The following NTRK3 variants were observed in gnomAD, a reference collection of about 807,000 sequenced individuals.
NTRK3 encodes the protein neurotrophic receptor tyrosine kinase 3.
A neutral mutation model predicts 91.7 loss-of-function variants in NTRK3; 24 were observed. The observed-to-expected ratio is 0.26, with a 90% CI of 0.19 to 0.37. The LOEUF (loss-of-function observed/expected upper bound fraction) is 0.37. Ranked by LOEUF, NTRK3 falls within the 10% of genes least tolerant of loss-of-function variation. The pLI is 1.00. For synonymous variants in NTRK3, 483 were observed against 404.0 expected (o/e 1.20, Z -2.34); for missense variants, 880 against 1,068.9 (o/e 0.82, Z 2.46).
intron 13 of NTRK3, among the ~76,000 whole-genome samples, chr15:88,074,961 G>A (rs554747640): frequency 1.1e-4 from 17 of 152,166 alleles, no homozygotes; most frequent in South Asian, 1.0e-3. Context: ...TACATCTCCC[G>A]GCACCCTTTT....
At chr15:87,904,233 C>T (rs1339344474) in intron 17 of NTRK3, among the ~76,000 whole-genome samples, 1 of 151,888 alleles carries the variant, frequency 6.6e-6, no homozygotes. Flanking sequence ...TCGCTGCAAC[C>T]TCAGTTTCCG....
rs751111350 is a variant in NTRK3, at chr15:88,226,650, G to A, written c.248+29256C>T. Among the ~76,000 whole-genome samples, 15 of 152,310 alleles carry A rather than the reference G, an allele frequency of 9.8e-5. No homozygotes were observed. The South Asian group carries it at 2.3e-3, about 23-fold the overall frequency. ...GGGAGCACTGAGCCATCTCTGGGCC[G>A]CACGGCCCCTATGGCTGATGCAAAT... On this transcript the variant is annotated intron_variant, in intron 3 of 18. Coordinates refer to ENST00000394480, the Ensembl canonical transcript of NTRK3.
At chr15:88,164,502 C>T (rs1411405338) in intron 5 of NTRK3, among the ~76,000 whole-genome samples, 2 of 152,208 alleles carry the variant, frequency 1.3e-5, no homozygotes, top group Admixed American at 6.5e-5. Flanking sequence ...TATTCTGTGT[C>T]TGCAGAGTAC....
In NTRK3 at chr15:87,933,279, G is replaced by A. The variant is rs550833844; in HGVS notation, c.1717-95C>T. 291 of 1,187,592 alleles carry A rather than the reference G, an allele frequency of 2.5e-4. No homozygotes were observed. The African/African-American group carries it at 3.1e-3, about 13-fold the overall frequency. The allele number at this position is 1,187,592 out of a possible 1,614,324, so 73.6% of individuals were successfully genotyped here. On this transcript the variant is annotated intron_variant, in intron 15 of 18. Transcript: ENST00000394480. ...AGAAACTGGCCCCACACACCACTGGGTTACCAATAAATATGAATCTAAATG... is the reference window on the plus strand; with the variant it reads ...AGAAACTGGCCCCACACACCACTGGATTACCAATAAATATGAATCTAAATG...
At position 87,947,698 on chromosome 15, in the gene NTRK3, G is replaced by T. The variant is rs543348733; in HGVS notation, c.1586-6945C>A. Among the ~76,000 whole-genome samples, 5 of 152,186 alleles carry T rather than the reference G, an allele frequency of 3.3e-5. No homozygotes were observed. In the South Asian group the frequency reaches 8.3e-4, roughly 25 times the overall value. ...GGGAGATTCTTGGCAGGAGAGAAGG[G>T]GGAAGAGAAAACAGGGAGAGGAAGG... On this transcript the variant is annotated intron_variant, in intron 14 of 18. Transcript: ENST00000394480.
At chr15:88,008,403 C>G (rs1035937776) in intron 14 of NTRK3, among the ~76,000 whole-genome samples, 4 of 152,090 alleles carry the variant, frequency 2.6e-5, no homozygotes, top group Non-Finnish European at 5.9e-5. Flanking sequence ...GCCAAATTCA[C>G]TTGTACATGT....
chr15:88,122,997 G>C (rs910675763), intron 13 of NTRK3, among the ~76,000 whole-genome samples: 2 of 152,196 alleles, frequency 1.3e-5, no homozygotes, highest in Admixed American at 6.5e-5. Context: ...TACCAGCAAA[G>C]AAATGACAAT....
intron 14 of NTRK3, among the ~76,000 whole-genome samples, chr15:88,027,740 C>A (rs2078164582): frequency 6.6e-6 from 1 of 152,154 alleles, no homozygotes; most frequent in African/African-American, 2.4e-5. Context: ...TTAGTTAGCA[C>A]CTTCTTTGAC....
chr15:87,985,334 G>A (rs2074663346), intron 14 of NTRK3, among the ~76,000 whole-genome samples: 3 of 152,232 alleles, frequency 2.0e-5, no homozygotes, highest in Non-Finnish European at 2.9e-5. Context: ...ACAAAAGGTT[G>A]TTGAATGCCA....
intron 3 of NTRK3, among the ~76,000 whole-genome samples, chr15:88,188,034 C>G (rs1330139937): frequency 2.0e-5 from 3 of 152,198 alleles, no homozygotes; most frequent in Non-Finnish European, 2.9e-5. Context: ...GTTCCAGGAC[C>G]ACAGGCTGGA....
At chr15:88,149,663 C>G (rs1286702744) in intron 5 of NTRK3, among the ~76,000 whole-genome samples, 1 of 152,246 alleles carries the variant, frequency 6.6e-6, no homozygotes, top group South Asian at 2.1e-4. Flanking sequence ...AGGACACCAC[C>G]TGGGGCAAAG....
intron 17 of NTRK3, among the ~76,000 whole-genome samples, chr15:87,921,876 G>T (rs570582710): frequency 2.0e-5 from 3 of 149,158 alleles, no homozygotes; most frequent in Admixed American, 2.0e-4. Flanking sequence ...TAGGGGACTT[G>T]GTATTAAAAA....
intron 13 of NTRK3, among the ~76,000 whole-genome samples, chr15:88,105,682 C>T (rs141290591): frequency 6.6e-6 from 1 of 152,150 alleles, no homozygotes; most frequent in East Asian, 1.9e-4. Context: ...GGAAAGGTAC[C>T]TCATGAGTGG....
chr15:87,984,139 A>G (rs2074534030), intron 14 of NTRK3, among the ~76,000 whole-genome samples: 1 of 152,202 alleles, frequency 6.6e-6, no homozygotes, highest in Non-Finnish European at 1.5e-5. Flanking sequence ...GATAATTAAA[A>G]TATAGTCATA....
In NTRK3 at chr15:88,154,825, T is replaced by C. The variant is rs556907417; in HGVS notation, c.396-7422A>G. Among the ~76,000 whole-genome samples, 45 of 152,354 alleles carry C rather than the reference T, an allele frequency of 3.0e-4. No individual in the cohort carries two copies. The South Asian group carries it at 8.9e-3, about 30-fold the overall frequency. On this transcript the variant is annotated intron_variant, in intron 5 of 18. Coordinates refer to ENST00000394480, the Ensembl canonical transcript of NTRK3. ...ATTAAAATTAAGCATGCTTATTTAC[T>C]GCAGAACTTCTCAGAGCTTTTACTG...
exon 19 of NTRK3, chr15:87,875,222 A>T: frequency 4.3e-6 from 1 of 230,498 alleles, no homozygotes; most frequent in East Asian, 6.2e-5. Flanking sequence ...AGTGTGGCAA[A>T]GGTCAGTCCC....
intron 13 of NTRK3, among the ~76,000 whole-genome samples, chr15:88,071,178 T>C (rs1195122842): frequency 4.6e-5 from 7 of 152,344 alleles, no homozygotes; most frequent in Admixed American, 6.5e-5. Context: ...GAACTGAGGA[T>C]TGCACATACC....
chr15:88,200,717 C>T (rs917340170), intron 3 of NTRK3, among the ~76,000 whole-genome samples: 1 of 152,178 alleles, frequency 6.6e-6, no homozygotes, highest in African/African-American at 2.4e-5. Flanking sequence ...GTCAATTAAA[C>T]CTCTTTCCTT....
intron 13 of NTRK3, among the ~76,000 whole-genome samples, chr15:88,036,422 TAAA>T (rs35431872): frequency 7.0e-6 from 1 of 142,192 alleles, no homozygotes; most frequent in Non-Finnish European, 1.5e-5. Flanking sequence ...AATCTACACC[TAAA>T]AAAAAAAAAA....
Sources: allele counts gnomAD v4.1 joint callset (sites outside exome capture counted in the v4.1 genomes callset), GRCh38; gene constraint gnomAD v4.1.1; transcripts MANE v1.5; gene names NCBI Gene and HGNC (gene_info 2026-07-23, HGNC 2026-07-21).